Variants in CSNK1D observed in about 807,000 individuals in gnomAD.
CSNK1D encodes casein kinase 1 delta, also known as casein kinase I isoform delta.
In CSNK1D, 16 loss-of-function variants were observed where a neutral mutation model predicts 46.6. The ratio of observed to expected loss-of-function variants is 0.34; its 90% CI spans 0.23 to 0.52. The LOEUF is 0.52. Among genes scored for constraint, CSNK1D ranks in the 20% least tolerant of loss-of-function variants. The pLI, the probability that CSNK1D is intolerant of heterozygous loss-of-function variation, is 0.95. For synonymous variants in CSNK1D, 276 were observed against 228.2 expected (o/e 1.21, Z -1.89); for missense variants, 398 against 578.4 (o/e 0.69, Z 3.20).
downstream of CSNK1D, among the ~76,000 whole-genome samples, chr17:82,240,433 A>T (rs1466449147): frequency 6.6e-6 from 1 of 152,146 alleles, no homozygotes; most frequent in African/African-American, 2.4e-5. Flanking sequence ...GACTGCTCAC[A>T]CCCAGGGGTT....
rs1289297674 is a variant in CSNK1D at position 82,273,556 on chromosome 17, G to C, written c.-175C>G. ...CCGCCGCTCCCAGCGCCTCAATACG[G>C]GGCGGATGGGACAGTCCGAGCGCCG... On this transcript the variant is annotated 5_prime_UTR_variant, in exon 1 of 9. Transcript: ENST00000314028. This position sits in a 1 kb window ranked among gnomAD's most constrained non-coding sequence, Gnocchi z 5.1. 3.9e-6 allele frequency: 3 copies of C among 769,122 alleles called. No homozygotes were observed. The highest frequency in any genetic ancestry group is 6.2e-6 in the Non-Finnish European group (3 of 480,230). 47.6% of individuals were successfully genotyped at this position (769,122 alleles called of 1,614,324 possible).
chr17:82,263,540 A>G (rs1359756339), intron 2 of CSNK1D, among the ~76,000 whole-genome samples: 2 of 152,196 alleles, frequency 1.3e-5, no homozygotes, highest in Non-Finnish European at 2.9e-5. Context: ...CAGAGAACGC[A>G]CCACTACAAA....
intron 8 of CSNK1D, chr17:82,245,119 T>C (rs1273771264): frequency 5.2e-6 from 3 of 578,628 alleles, no homozygotes; most frequent in Non-Finnish European, 9.3e-6. Flanking sequence ...CGGGTGCTCC[T>C]GCCTCCCTTC....
Position 82,246,386 on chromosome 17 carries a change from G to A in CSNK1D, c.1198-1555C>T, listed in dbSNP as rs1307587152. 9.6e-6 allele frequency: 12 copies of A among 1,254,272 alleles called. No homozygotes were observed. The Admixed American group carries it at 3.8e-4, about 39-fold the overall frequency. 77.7% of individuals were successfully genotyped at this position (1,254,272 alleles called of 1,614,324 possible). A position where few individuals can be genotyped will look rare whatever the true frequency, so the allele number is the denominator to read the frequency against. ...GTCTCAGGGCACAGCCTGAAGGCAGGGGAGACGCACATCCTCGCCGGTACG... is the reference window on the plus strand; with the variant it reads ...GTCTCAGGGCACAGCCTGAAGGCAGAGGAGACGCACATCCTCGCCGGTACG... On this transcript the variant is annotated intron_variant, in intron 8 of 8. Coordinates refer to ENST00000314028, the MANE Select transcript of CSNK1D (RefSeq NM_001893.6).
At position 82,273,680 on chromosome 17, in the gene CSNK1D, GA is replaced by G; in HGVS notation, c.-300del. 1 of 510,710 alleles carries G rather than the reference GA, an allele frequency of 2.0e-6. No homozygotes were observed. The highest frequency in any genetic ancestry group is 2.0e-5 in the African/African-American group (1 of 49,216). 31.6% of individuals were successfully genotyped at this position (510,710 alleles called of 1,614,324 possible). On this transcript the variant is annotated 5_prime_UTR_variant, in exon 1 of 9. An upstream open reading frame in the 5' UTR gains an earlier in-frame stop. Coordinates refer to ENST00000314028, the MANE Select transcript of CSNK1D (RefSeq NM_001893.6). This position sits in a 1 kb window ranked among gnomAD's most constrained non-coding sequence, Gnocchi z 5.1. ...TAAATCCCCTTTCAGCTGCCTAAAGGAGCCGCCGCCATCGCGCTGTGACGTC... is the reference window on the plus strand; with the variant it reads ...TAAATCCCCTTTCAGCTGCCTAAAGGGCCGCCGCCATCGCGCTGTGACGTC...
In CSNK1D at chr17:82,273,604, C is replaced by T; in HGVS notation, c.-223G>A. 1.7e-6 allele frequency: 1 copy of T among 579,818 alleles called. No individual in the cohort carries two copies. Among genetic ancestry groups the T allele is most frequent in the Non-Finnish European group, 3.0e-6 (1 of 334,048 alleles). The allele number at this position is 579,818 out of a possible 1,614,324, so 35.9% of individuals were successfully genotyped here. On this transcript the variant is annotated 5_prime_UTR_variant, in exon 1 of 9. Coordinates refer to ENST00000314028, the MANE Select transcript of CSNK1D (RefSeq NM_001893.6). The surrounding 1 kb of genome is among the most constrained non-coding windows in gnomAD (Gnocchi z 5.1). Reference sequence around the variant, plus strand: ...CCGCCGCCGCTGCTCCGGCCCCTACCGGTCCCGCTTGCCCTCTCCCCGCCG... The same window carrying T: ...CCGCCGCCGCTGCTCCGGCCCCTACTGGTCCCGCTTGCCCTCTCCCCGCCG...
chr17:82,260,227 GTACTGAGTGATGTGACTGATGGTA>G (rs2051293983), intron 2 of CSNK1D, among the ~76,000 whole-genome samples: 1 of 148,392 alleles, frequency 6.7e-6, no homozygotes, highest in Non-Finnish European at 1.5e-5. Context: ...GACTGATGGT[GTACTGAGTGATGTGACTGATGGTA>G]TACCGAGTGA....
downstream of CSNK1D, among the ~76,000 whole-genome samples, chr17:82,241,794 G>A (rs945106994): frequency 6.6e-6 from 1 of 152,234 alleles, no homozygotes; most frequent in Non-Finnish European, 1.5e-5. Flanking sequence ...CCTGGGAGGA[G>A]GCAAAGTCTG....
At chr17:82,272,370 TGAAGATTTA>T (rs914602184) in intron 1 of CSNK1D, 3 of 152,316 alleles carry the variant, frequency 2.0e-5, no homozygotes, top group African/African-American at 7.2e-5. Context: ...ATTACAAACT[TGAAGATTTA>T]AGCCAACCTT....
At chr17:82,265,859 T>C in intron 1 of CSNK1D, 63 bp from the exon 2 acceptor site, 2 of 1,299,040 alleles carry the variant, frequency 1.5e-6, no homozygotes, top group Non-Finnish European at 2.2e-6. Context: ...CCCAACATGC[T>C]GGAGAAACAA....
chr17:82,239,883 C>G (rs919038163), downstream of CSNK1D: 3 of 733,218 alleles, frequency 4.1e-6, no homozygotes, highest in Admixed American at 1.3e-4. Flanking sequence ...CGGCCCAGCG[C>G]TTGGGCTTGT....
chr17:82,265,828 T>C, intron 1 of CSNK1D, 32 bp from the exon 2 acceptor site: 5 of 1,536,116 alleles, frequency 3.3e-6, no homozygotes, highest in Non-Finnish European at 4.5e-6. Context: ...CAACAGGAAT[T>C]ACCTGGTATC....
downstream of CSNK1D, chr17:82,239,729 G>A (rs1189914180): frequency 5.3e-6 from 2 of 380,916 alleles, no homozygotes; most frequent in African/African-American, 4.2e-5. Flanking sequence ...GGGAGCTGAG[G>A]TGGAACAAGC....
At chr17:82,263,954 C>T (rs1321571745) in intron 2 of CSNK1D, among the ~76,000 whole-genome samples, 1 of 152,238 alleles carries the variant, frequency 6.6e-6, no homozygotes, top group Non-Finnish European at 1.5e-5. Context: ...CTGTGGCCTC[C>T]TCTGGTCACG....
Position 82,255,399 on chromosome 17 carries a change from G to A in CSNK1D, c.336+30C>T. 1.2e-6 allele frequency: 2 copies of A among 1,613,394 alleles called. No individual in the cohort carries two copies. The highest frequency in any genetic ancestry group is 2.2e-5 in the South Asian group (2 of 91,074). On this transcript the variant is annotated intron_variant, in intron 3 of 8. Transcript: ENST00000314028. The surrounding 1 kb of genome is among the most constrained non-coding windows in gnomAD (Gnocchi z 5.9). The stretch of plus-strand genomic sequence containing the variant: ...TGGCTGATTCTATCAGACAGCAAGT[G>A]TGTGCCAACTGTCAGGAAACAGTCC...
Position 82,252,702 on chromosome 17 carries a change from A to T in CSNK1D, c.566-98T>A. On this transcript the variant is annotated intron_variant, in intron 4 of 8. Transcript: ENST00000314028. This position sits in a 1 kb window ranked among gnomAD's most constrained non-coding sequence, Gnocchi z 4.6. ...GTTCCAGTGGAGACTAGCCTCAGAC[A>T]CACATGCCCAGATCACTCCAGCTGG... The T allele has an allele frequency of 8.1e-7, 1 of 1,240,954 alleles. No individual in the cohort carries two copies. Among genetic ancestry groups the T allele is most frequent in the Non-Finnish European group, 1.1e-6 (1 of 874,478 alleles). The allele number at this position is 1,240,954 out of a possible 1,614,324, so 76.9% of individuals were successfully genotyped here.
chr17:82,251,570 G>A lies in CSNK1D; in HGVS notation c.737-43C>T. 6.2e-7 allele frequency: 1 copy of A among 1,609,798 alleles called. No homozygotes were observed. The highest frequency in any genetic ancestry group is 8.5e-7 in the Non-Finnish European group (1 of 1,177,412). ...CAAAGCTAACTCATGAAACCCAACT[G>A]CGACTCAAGGTGTCTCTGCCAACGT... On this transcript the variant is annotated intron_variant, in intron 5 of 8. Transcript: ENST00000314028. The surrounding 1 kb of genome is among the most constrained non-coding windows in gnomAD (Gnocchi z 4.5).
At chr17:82,247,607 G>A (rs2050883411) in intron 8 of CSNK1D, 1 of 985,452 alleles carries the variant, frequency 1.0e-6, no homozygotes, top group African/African-American at 1.7e-5. Flanking sequence ...CGAGGGCACG[G>A]GCAGACCCTC....
At position 82,255,374 on chromosome 17, in the gene CSNK1D, TG is replaced by T. The variant is rs1157699458; in HGVS notation, c.336+54del. ...TAATGGCAAGAACAGCACAAGCGAGTGGCTGATTCTATCAGACAGCAAGTGT... is the reference window on the plus strand; with the variant it reads ...TAATGGCAAGAACAGCACAAGCGAGTGCTGATTCTATCAGACAGCAAGTGT... On this transcript the variant is annotated intron_variant, in intron 3 of 8. Transcript: ENST00000314028. This position sits in a 1 kb window ranked among gnomAD's most constrained non-coding sequence, Gnocchi z 5.9. 2 of 1,595,730 alleles carry T rather than the reference TG, an allele frequency of 1.3e-6. No homozygotes were observed. Among genetic ancestry groups the T allele is most frequent in the African/African-American group, 1.3e-5 (1 of 74,460 alleles).
Sources: allele counts gnomAD v4.1 joint callset (sites outside exome capture counted in the v4.1 genomes callset), GRCh38; gene constraint gnomAD v4.1.1; non-coding constraint Gnocchi (gnomAD v3.1); transcripts MANE v1.5; gene names NCBI Gene and HGNC (gene_info 2026-07-23, HGNC 2026-07-21).